Variants in GYS2 observed in about 807,000 individuals in gnomAD.
The protein encoded by GYS2 is glycogen synthase 2.
A neutral mutation model predicts 85.6 loss-of-function variants in GYS2; 80 were observed. The observed-to-expected ratio is 0.93, with a 90% CI of 0.78 to 1.13. The LOEUF (loss-of-function observed/expected upper bound fraction) is 1.13, where lower values mean the gene tolerates loss of function less well. Ranked by LOEUF, GYS2 falls within the 50% of genes most tolerant of loss-of-function variation. The probability of loss-of-function intolerance (pLI) is 0.00; values close to 1 mark genes in which losing one functional copy is unlikely to be tolerated. For missense variants in GYS2, 881 were observed against 854.9 expected (o/e 1.03, Z -0.38); for synonymous variants, 328 against 300.7 (o/e 1.09, Z -0.94).
intron 4 of GYS2, among the ~76,000 whole-genome samples, chr12:21,570,254 G>A (rs1459429920): frequency 6.6e-6 from 1 of 152,168 alleles, no homozygotes; most frequent in Non-Finnish European, 1.5e-5. Context: ...TATGTGGCCA[G>A]CCTAATTAAT....
At chr12:21,538,645 G>T (rs1312932698) in intron 15 of GYS2, among the ~76,000 whole-genome samples, 1 of 152,106 alleles carries the variant, frequency 6.6e-6, no homozygotes, top group Non-Finnish European at 1.5e-5. Context: ...TTTAGCTCTT[G>T]GATTGCTGTG....
chr12:21,539,368 A>C (rs1943946353), intron 14 of GYS2, 30 bp from the exon 15 acceptor site: 3 of 1,208,050 alleles, frequency 2.5e-6, no homozygotes, highest in Non-Finnish European at 3.7e-6. Context: ...TCACAGGTTA[A>C]TAAAAACCCT....
intron 11 of GYS2, among the ~76,000 whole-genome samples, chr12:21,548,566 T>TA (rs1944069412): frequency 6.6e-6 from 1 of 152,230 alleles, no homozygotes; most frequent in Non-Finnish European, 1.5e-5. Context: ...TAGCAATAGC[T>TA]GTATTTAAAA....
intron 4 of GYS2, among the ~76,000 whole-genome samples, chr12:21,572,621 T>C (rs1216111159): frequency 1.3e-5 from 2 of 152,174 alleles, no homozygotes; most frequent in Non-Finnish European, 2.9e-5. Flanking sequence ...GGGATCTGAC[T>C]AAACTTAAGT....
At chr12:21,570,816 CTG>C (rs1325329075) in intron 4 of GYS2, among the ~76,000 whole-genome samples, 1 of 152,160 alleles carries the variant, frequency 6.6e-6, no homozygotes, top group Non-Finnish European at 1.5e-5. Context: ...AAAAGCCACT[CTG>C]AAAGTGTTTA....
chr12:21,537,213 G>C, intron 15 of GYS2, 38 bp from the exon 16 acceptor site: 6 of 1,449,416 alleles, frequency 4.1e-6, no homozygotes, highest in Non-Finnish European at 5.8e-6. Context: ...CATCACAACA[G>C]TTTCTTGGCT....
chr12:21,536,610 TAGTA>T lies in GYS2; in HGVS notation c.*340_*343del. 2 of 293,714 alleles carry T rather than the reference TAGTA, an allele frequency of 6.8e-6. No individual in the cohort carries two copies. Among genetic ancestry groups the T allele is most frequent in the South Asian group, 7.7e-5 (2 of 25,940 alleles). 18.2% of individuals were successfully genotyped at this position (293,714 alleles called of 1,614,324 possible). On this transcript the variant is annotated 3_prime_UTR_variant, in exon 16 of 16. Coordinates refer to ENST00000261195, the MANE Select transcript of GYS2 (RefSeq NM_021957.4). Reference sequence around the variant, plus strand: ...TGGTGGGGTAGAGAAGCTGCATAAATAGTAAGCAAAGGATTATGATGATCATTTA... The same window carrying T: ...TGGTGGGGTAGAGAAGCTGCATAAATAGCAAAGGATTATGATGATCATTTA...
chr12:21,595,152 G>A (rs117584848), intron 1 of GYS2, among the ~76,000 whole-genome samples: 2,319 of 152,250 alleles, frequency 0.015, 27 homozygotes, highest in Non-Finnish European at 0.022. Context: ...GGATCTTGGC[G>A]GATGGGAGGT....
intron 1 of GYS2, among the ~76,000 whole-genome samples, chr12:21,601,418 C>A (rs1205203195): frequency 6.6e-6 from 1 of 152,120 alleles, no homozygotes; most frequent in East Asian, 1.9e-4. Flanking sequence ...ACAATCTAGT[C>A]CCTGCAGGTC....
rs377083230 is a variant in GYS2, at chr12:21,549,112, T to G, written c.1423-2642A>C. 7.0e-4 allele frequency among the ~76,000 whole-genome samples: 106 copies of G among 152,320 alleles called. 2 individuals carry two copies. In the South Asian group the frequency reaches 0.021, roughly 30 times the overall value. On this transcript the variant is annotated intron_variant, in intron 11 of 15. Coordinates refer to ENST00000261195, the MANE Select transcript of GYS2 (RefSeq NM_021957.4). ...TGTGAGTGGCACAAAATATTACTAA[T>G]GACAAGAGCATGGCTATAATTGGAA...
At chr12:21,546,068 T>C (rs1944035741) in intron 12 of GYS2, among the ~76,000 whole-genome samples, 1 of 152,136 alleles carries the variant, frequency 6.6e-6, no homozygotes, top group African/African-American at 2.4e-5. Context: ...TTATATCACA[T>C]TCCTTTTTCT....
chr12:21,594,893 C>T (rs1386466868), intron 1 of GYS2, among the ~76,000 whole-genome samples: 1 of 152,158 alleles, frequency 6.6e-6, no homozygotes, highest in Non-Finnish European at 1.5e-5. Context: ...GACATTAGAA[C>T]AGACACTTAG....
intron 1 of GYS2, among the ~76,000 whole-genome samples, chr12:21,587,604 C>T (rs962158787): frequency 2.0e-5 from 3 of 152,040 alleles, no homozygotes; most frequent in African/African-American, 7.2e-5. Context: ...CCTCCCCAGC[C>T]CTGTGGAACT....
intron 13 of GYS2, among the ~76,000 whole-genome samples, chr12:21,541,845 A>C (rs1943979631): frequency 6.6e-6 from 1 of 151,660 alleles, no homozygotes; most frequent in South Asian, 2.1e-4. Context: ...CTTTCAACCC[A>C]CGCCCCTTCC....
rs767709466 is a variant in GYS2, at chr12:21,580,449, T to C, written c.196A>G (p.Ile66Val). Reference sequence around the variant, plus strand: ...ATATTATGCTCAAAATATGGACCTATCAGAAAATAGTTCTCTCCCCATTCA... The same window carrying C: ...ATATTATGCTCAAAATATGGACCTACCAGAAAATAGTTCTCTCCCCATTCA... ...ADEWGENYFL[I>V]GPYFEHNMKT... is the part of the protein sequence containing the mutation. The change falls in exon 2 of 16, where the codon ATA becomes GTA. Residue 66 changes from isoleucine (I) to valine (V), a missense_variant. Ile to Val is a conservative substitution (Grantham distance 29). Coordinates refer to ENST00000261195, the MANE Select transcript of GYS2 (RefSeq NM_021957.4). 1 of 1,613,604 alleles carries C rather than the reference T, an allele frequency of 6.2e-7. No individual in the cohort carries two copies. Among genetic ancestry groups the C allele is most frequent in the South Asian group, 1.1e-5 (1 of 91,072 alleles).
chr12:21,601,217 T>A (rs1944752739), intron 1 of GYS2, among the ~76,000 whole-genome samples: 1 of 152,036 alleles, frequency 6.6e-6, no homozygotes, highest in Non-Finnish European at 1.5e-5. Flanking sequence ...GGCAAAACTT[T>A]CCATCCTGGG....
intron 1 of GYS2, among the ~76,000 whole-genome samples, chr12:21,594,058 T>C (rs1320525829): frequency 6.6e-6 from 1 of 152,126 alleles, no homozygotes. Flanking sequence ...CATTCCTTCA[T>C]GATAAAAACT....
intron 13 of GYS2, among the ~76,000 whole-genome samples, chr12:21,540,775 C>T (rs186771909): frequency 6.6e-5 from 10 of 152,178 alleles, no homozygotes; most frequent in East Asian, 3.9e-4. Flanking sequence ...ACACAGCCAA[C>T]GAAGTGGATC....
chr12:21,578,320 G>T (rs914126276), intron 2 of GYS2, among the ~76,000 whole-genome samples: 1 of 152,022 alleles, frequency 6.6e-6, no homozygotes, highest in South Asian at 2.1e-4. Flanking sequence ...AATGGCCCAT[G>T]AATTAAACTA....
Sources: allele counts gnomAD v4.1 joint callset (sites outside exome capture counted in the v4.1 genomes callset), GRCh38; gene constraint gnomAD v4.1.1; transcripts MANE v1.5; gene names NCBI Gene and HGNC (gene_info 2026-07-23, HGNC 2026-07-21).